SLC39A9: variants seen among roughly 807,000 people sequenced by gnomAD.
The protein encoded by SLC39A9 is zinc transporter ZIP9.
SLC39A9 carries 14 observed loss-of-function variants against 28.4 expected under a neutral mutation model. The observed-to-expected ratio is 0.49, with a 90% CI of 0.33 to 0.77. The LOEUF (loss-of-function observed/expected upper bound fraction) is 0.77. Among genes scored for constraint, SLC39A9 ranks in the 30% least tolerant of loss-of-function variants. The pLI is 0.02. For synonymous variants in SLC39A9, 119 were observed against 149.6 expected, an observed-to-expected ratio of 0.80 and a Z score of 1.49; for missense variants, 283 against 381.1, an observed-to-expected ratio of 0.74 and a Z score of 2.14.
intron 1 of SLC39A9, among the ~76,000 whole-genome samples, chr14:69,407,293 CCCTTCCTTCCCTTCCTT>C (rs1882980493): frequency 7.0e-6 from 1 of 142,356 alleles, no homozygotes; most frequent in African/African-American, 2.5e-5. Context: ...TTCCTTCCTT[CCCTTCCTTCCCTTCCTT>C]CCTTCCTTCC....
intron 1 of SLC39A9, 57 bp from the exon 2 acceptor site, chr14:69,424,037 A>G (rs1006327643): frequency 7.5e-7 from 1 of 1,327,546 alleles, no homozygotes; most frequent in Non-Finnish European, 1.1e-6. Flanking sequence ...ATACTTGAGA[A>G]ACTTTTTCCC....
At chr14:69,413,158 C>A (rs1594907131) in intron 1 of SLC39A9, among the ~76,000 whole-genome samples, 6 of 152,248 alleles carry the variant, frequency 3.9e-5, no homozygotes, top group Admixed American at 3.9e-4. Context: ...AGATCGAGAC[C>A]ATCCTGGCTA....
intron 1 of SLC39A9, among the ~76,000 whole-genome samples, chr14:69,419,856 C>T (rs1883786003): frequency 6.6e-6 from 1 of 152,116 alleles, no homozygotes; most frequent in Admixed American, 6.5e-5. Context: ...CTTGGTAGAT[C>T]TTCCTCCATC....
At chr14:69,453,088 A>G (rs554692247) in intron 3 of SLC39A9, among the ~76,000 whole-genome samples, 153 bp from the exon 4 acceptor site, 1 of 152,270 alleles carries the variant, frequency 6.6e-6, no homozygotes, top group South Asian at 2.1e-4. Context: ...TATCATCTCA[A>G]CACTTTGGGA....
In SLC39A9 at chr14:69,459,060, G is replaced by A; in HGVS notation, c.*467G>A. ...GTAAGACTGGTGCTTTAGCATCTAT[G>A]CCACATGCGTTGATGGAAGGTCATA... On this transcript the variant is annotated 3_prime_UTR_variant, in exon 7 of 7. Coordinates refer to ENST00000336643, the MANE Select transcript of SLC39A9 (RefSeq NM_018375.5). The A allele has an allele frequency of 1.0e-6, 1 of 988,074 alleles. No individual in the cohort carries two copies. Among genetic ancestry groups the A allele is most frequent in the Middle Eastern group, 5.2e-4 (1 of 1,914 alleles). The allele number at this position is 988,074 out of a possible 1,614,324, so 61.2% of individuals were successfully genotyped here. A position where few individuals can be genotyped will look rare whatever the true frequency, so the allele number is the denominator to read the frequency against.
intron 2 of SLC39A9, among the ~76,000 whole-genome samples, chr14:69,430,159 C>T (rs1261229102): frequency 6.6e-6 from 1 of 152,148 alleles, no homozygotes; most frequent in Non-Finnish European, 1.5e-5. Context: ...TCTTTTCATT[C>T]TCTTAACAGT....
In SLC39A9 at chr14:69,460,685, G is replaced by A. The variant is rs1886076141; in HGVS notation, c.*2092G>A. ...TTTGGCTAGTATATCTTGCTGGATG[G>A]AGCCTTGAACTCCGGCAAGGATTGA... On this transcript the variant is annotated 3_prime_UTR_variant, in exon 7 of 7. Coordinates refer to ENST00000336643, the MANE Select transcript of SLC39A9 (RefSeq NM_018375.5). 1.0e-6 allele frequency: 1 copy of A among 985,314 alleles called. No homozygotes were observed. The allele number at this position is 985,314 out of a possible 1,614,324, so 61.0% of individuals were successfully genotyped here. A position where few individuals can be genotyped will look rare whatever the true frequency, so the allele number is the denominator to read the frequency against.
chr14:69,453,836 G>A (rs1470097464), intron 4 of SLC39A9, among the ~76,000 whole-genome samples: 1 of 152,222 alleles, frequency 6.6e-6, no homozygotes, highest in Non-Finnish European at 1.5e-5. Context: ...TTGTTTTTGT[G>A]CAACAGTGGC....
intron 2 of SLC39A9, among the ~76,000 whole-genome samples, chr14:69,427,913 T>C (rs1417469256): frequency 6.6e-6 from 1 of 152,222 alleles, no homozygotes; most frequent in Non-Finnish European, 1.5e-5. Flanking sequence ...TCTGCTAAGA[T>C]AGAAACAAGA....
At chr14:69,406,440 G>T (rs546055083) in intron 1 of SLC39A9, among the ~76,000 whole-genome samples, 5 of 152,166 alleles carry the variant, frequency 3.3e-5, no homozygotes, top group Non-Finnish European at 5.9e-5. Context: ...GAATGTTTCT[G>T]TATATGATAG....
At chr14:69,403,214 C>T (rs1476906551) in intron 1 of SLC39A9, among the ~76,000 whole-genome samples, 1 of 152,104 alleles carries the variant, frequency 6.6e-6, no homozygotes, top group African/African-American at 2.4e-5. Flanking sequence ...TATGTTTTTT[C>T]GATTGAATTG....
At chr14:69,455,095 T>C (rs1184748696) in intron 5 of SLC39A9, among the ~76,000 whole-genome samples, 198 bp downstream of exon 5, 3 of 152,242 alleles carry the variant, frequency 2.0e-5, no homozygotes, top group Non-Finnish European at 4.4e-5. Flanking sequence ...TTCAATTTTT[T>C]TGTGTAGACA....
At chr14:69,413,998 T>A (rs531287566) in intron 1 of SLC39A9, among the ~76,000 whole-genome samples, 1 of 152,210 alleles carries the variant, frequency 6.6e-6, no homozygotes, top group Non-Finnish European at 1.5e-5. Context: ...ATAAAAACCT[T>A]TACTGTGGCT....
At chr14:69,403,645 A>C (rs1243317390) in intron 1 of SLC39A9, among the ~76,000 whole-genome samples, 3 of 152,266 alleles carry the variant, frequency 2.0e-5, no homozygotes, top group Non-Finnish European at 2.9e-5. Flanking sequence ...CTATAATTGT[A>C]ATAATCATAT....
In SLC39A9 at chr14:69,442,260, A is replaced by G. The variant is rs915022714; in HGVS notation, c.397A>G (p.Thr133Ala). 17 of 1,614,160 alleles carry G rather than the reference A, an allele frequency of 1.1e-5. No individual in the cohort carries two copies. The highest frequency in any genetic ancestry group is 1.4e-5 in the Non-Finnish European group (17 of 1,180,006). ...GATTGGTAACTCCCATGTGCATTCTACTGACGGTGAGTGGCTCCAAGGCTT... is the reference window on the plus strand; with the variant it reads ...GATTGGTAACTCCCATGTGCATTCTGCTGACGGTGAGTGGCTCCAAGGCTT... ...DQIGNSHVHS[T>A]DDPEAARSSN... Residue 133 changes from threonine (T) to alanine (A), a missense_variant, in exon 3 of 7, where the codon ACT becomes GCT. Transcript: ENST00000336643.
At chr14:69,438,135 C>A (rs1346625463) in intron 2 of SLC39A9, among the ~76,000 whole-genome samples, 1 of 151,750 alleles carries the variant, frequency 6.6e-6, no homozygotes, top group Non-Finnish European at 1.5e-5. Context: ...GATTCTCCTG[C>A]CTCAGCCTCC....
intron 1 of SLC39A9, among the ~76,000 whole-genome samples, chr14:69,403,176 A>G (rs1283188122): frequency 6.6e-6 from 1 of 152,184 alleles, no homozygotes; most frequent in Non-Finnish European, 1.5e-5. Context: ...AGGGAGTGAG[A>G]CCCGTTGGTT....
chr14:69,404,844 GTTT>G (rs780521010), intron 1 of SLC39A9, among the ~76,000 whole-genome samples: 10 of 152,088 alleles, frequency 6.6e-5, no homozygotes, highest in African/African-American at 9.7e-5. Context: ...GTGTTTTAAA[GTTT>G]TGTGTCTGTA....
chr14:69,405,976 CA>C lies in SLC39A9; in HGVS notation c.96+6512del, dbSNP rs1376752938. Among the ~76,000 whole-genome samples the C allele has an allele frequency of 3.9e-5, 6 of 152,338 alleles. No homozygotes were observed. In the East Asian group the frequency reaches 9.6e-4, roughly 24 times the overall value. ...AGCAAACTCAGGCTTGAAGAGGTCA[CA>C]GACTCTGGTAGAGGTGTGATTTGGA... On this transcript the variant is annotated intron_variant, in intron 1 of 6. Transcript: ENST00000336643.
Sources: gnomAD v4.1 joint callset for allele counts (sites outside exome capture counted in the v4.1 genomes callset) on GRCh38, gnomAD v4.1.1 for gene constraint, MANE v1.5 for transcripts, NCBI Gene and HGNC (gene_info 2026-07-23, HGNC 2026-07-21) for gene names.